Variants in CDC27 observed in about 807,000 individuals in gnomAD.
The protein encoded by CDC27 is cell division cycle 27.
Under a neutral mutation model 109.7 loss-of-function variants are expected in CDC27, and 27 were observed. The observed-to-expected ratio is 0.25, with a 90% CI of 0.18 to 0.34. CDC27 has a LOEUF of 0.34. CDC27 is among the 10% of genes least tolerant of loss of function. The probability of loss-of-function intolerance (pLI) is 1.00; values close to 1 mark genes in which losing one functional copy is unlikely to be tolerated. For synonymous variants in CDC27, 266 were observed against 333.9 expected (o/e 0.80, Z 2.22); for missense variants, 579 against 960.2 (o/e 0.60, Z 5.25).
chr17:47,137,315 C>T lies in CDC27; in HGVS notation c.1750G>A (p.Asp584Asn). 1 of 1,609,986 alleles carries T rather than the reference C, an allele frequency of 6.2e-7. No individual in the cohort carries two copies. The highest frequency in any genetic ancestry group is 1.1e-5 in the South Asian group (1 of 90,324). The change falls in exon 14 of 19, where the codon GAT becomes AAT. Residue 584 changes from aspartate (D) to asparagine (N), a missense_variant. By Grantham distance (23) the Asp-to-Asn change is conservative (BLOSUM62 1). Around this residue, in one of 9 missense-constraint regions of CDC27, gnomAD observed 227 missense variants for 363.6 expected, o/e 0.62. Transcript: ENST00000066544. ...CTCTGGAAGAATTTAATTGCAATAT[C>T]ATGTTCCCGTTGCAGACTGAAACAG... ...GNCFSLQREH[D>N]IAIKFFQRAI...
rs76179380 is a variant in CDC27, at chr17:47,123,844, G to T, written c.2235+42C>A. 769 of 1,333,400 alleles carry T rather than the reference G, an allele frequency of 5.8e-4. 6 individuals carry two copies. The African/African-American group carries it at 9.7e-3, about 17-fold the overall frequency. The allele number at this position is 1,333,400 out of a possible 1,614,324, so 82.6% of individuals were successfully genotyped here. On this transcript the variant is annotated intron_variant, in intron 17 of 18. Coordinates refer to ENST00000066544, the MANE Select transcript of CDC27 (RefSeq NM_001256.6). ...TTATTCTTATAAAATGTCATTATTT[G>T]CTATGAAAGTCACTGTTTGGGACCA...
chr17:47,168,769 AC>A (rs1320149308), intron 4 of CDC27, among the ~76,000 whole-genome samples: 1 of 152,066 alleles, frequency 6.6e-6, no homozygotes, highest in Admixed American at 6.6e-5. Flanking sequence ...GGGCCCCCAA[AC>A]TTAGTCAAAT....
rs72628347 is a variant in CDC27, at chr17:47,132,777, A to G, written c.1914-403T>C. On this transcript the variant is annotated intron_variant, in intron 14 of 18. Transcript: ENST00000066544. ...TATTATTATTATTATTATTATTATT[A>G]TTATATTTTAAAGATAGCACCTCAC... Among the ~76,000 whole-genome samples the G allele has an allele frequency of 1.4e-3, 188 of 132,766 alleles. 1 individual carries two copies. Among genetic ancestry groups the G allele is most frequent in the East Asian group, 7.1e-3 (32 of 4,518 alleles). 87.1% of individuals were successfully genotyped at this position (132,766 alleles called of 152,430 possible). A position where few individuals can be genotyped will look rare whatever the true frequency, so the allele number is the denominator to read the frequency against.
intron 9 of CDC27, among the ~76,000 whole-genome samples, chr17:47,150,272 A>G (rs1310155802): frequency 2.6e-5 from 4 of 152,230 alleles, no homozygotes; most frequent in African/African-American, 9.6e-5. Flanking sequence ...GTACCTCCCC[A>G]AAAGATATGT....
At chr17:47,163,431 T>C (rs2087095887) in intron 4 of CDC27, among the ~76,000 whole-genome samples, 1 of 152,212 alleles carries the variant, frequency 6.6e-6, no homozygotes, top group African/African-American at 2.4e-5. Flanking sequence ...CTGGGTGCTG[T>C]GGCTCATGCC....
In CDC27 at chr17:47,159,741, C is replaced by A. The variant is rs567380989; in HGVS notation, c.378-1438G>T. On this transcript the variant is annotated intron_variant, in intron 4 of 18. Coordinates refer to ENST00000066544, the MANE Select transcript of CDC27 (RefSeq NM_001256.6). The stretch of plus-strand genomic sequence containing the variant: ...TGGCTGGCACGGGTCTGCTTCTGCA[C>A]CGGCATAATCTTCAAAACCTTGTGC... 752 of 408,902 alleles carry A rather than the reference C, an allele frequency of 1.8e-3. 2 individuals are homozygous for A. Among genetic ancestry groups the A allele is most frequent in the Non-Finnish European group, 2.9e-3 (620 of 215,268 alleles). The allele number at this position is 408,902 out of a possible 1,614,324, so 25.3% of individuals were successfully genotyped here.
At chr17:47,179,712 G>A (rs369264197) in intron 2 of CDC27, among the ~76,000 whole-genome samples, 2 of 152,194 alleles carry the variant, frequency 1.3e-5, no homozygotes, top group South Asian at 2.1e-4. Flanking sequence ...TGGTTAAACC[G>A]AATGGTGAGG....
chr17:47,188,521 C>T (rs1295159322), intron 1 of CDC27, among the ~76,000 whole-genome samples: 1 of 152,018 alleles, frequency 6.6e-6, no homozygotes, highest in African/African-American at 2.4e-5. Context: ...CCCAAATGTG[C>T]CCTTTCCACC....
chr17:47,171,657 T>A (rs1237910869), intron 3 of CDC27, among the ~76,000 whole-genome samples: 3 of 151,772 alleles, frequency 2.0e-5, no homozygotes, highest in Non-Finnish European at 4.4e-5. Context: ...AAACGAAATA[T>A]TTGTGATCAT....
chr17:47,147,898 C>CAAA (rs893703763), intron 9 of CDC27, among the ~76,000 whole-genome samples: 1 of 45,648 alleles, frequency 2.2e-5, no homozygotes, highest in East Asian at 5.8e-4. Flanking sequence ...GACCCTGTCT[C>CAAA]AAAAAAAAAA....
chr17:47,167,134 C>A (rs531092795), intron 4 of CDC27, among the ~76,000 whole-genome samples: 2 of 152,342 alleles, frequency 1.3e-5, no homozygotes, highest in East Asian at 3.9e-4. Context: ...GGATTACAGG[C>A]GTGAGCCACT....
intron 14 of CDC27, among the ~76,000 whole-genome samples, chr17:47,133,479 G>A (rs959550689): frequency 3.4e-5 from 5 of 146,964 alleles, no homozygotes; most frequent in African/African-American, 1.3e-4. Flanking sequence ...CGCTCTTGTT[G>A]CCCAGGCTGT....
intron 2 of CDC27, among the ~76,000 whole-genome samples, chr17:47,180,135 AT>A (rs931930614): frequency 2.0e-5 from 3 of 152,182 alleles, no homozygotes; most frequent in Middle Eastern, 3.2e-3. Context: ...CTCAACAAAA[AT>A]TTTTAAAAAT....
In CDC27 at chr17:47,181,636, G is replaced by A; in HGVS notation, c.29C>T (p.Ala10Val). Residue 10 changes from alanine to valine, a missense_variant and splice_region_variant, in exon 2 of 19, where the codon GCT (alanine) becomes GTT (valine). Coordinates refer to ENST00000066544, the MANE Select transcript of CDC27 (RefSeq NM_001256.6). ...GTGGTTTAGTGCTTGCCATATAGCA[G>A]CCTGCAAATGGAGGAAAAAGAACAT... MTVLQEPVQ[A>V]AIWQALNHYA... 1 of 1,591,130 alleles carries A rather than the reference G, an allele frequency of 6.3e-7. No homozygotes were observed. The highest frequency in any genetic ancestry group is 8.6e-7 in the Non-Finnish European group (1 of 1,162,084).
In CDC27 at chr17:47,171,375, C is replaced by T. The variant is rs1467599335; in HGVS notation, c.251+542G>A. On this transcript the variant is annotated intron_variant, in intron 3 of 18. Coordinates refer to ENST00000066544, the MANE Select transcript of CDC27 (RefSeq NM_001256.6). Reference sequence around the variant, plus strand: ...TTTTACAAATATCTAACACCGTTTACACATGTGACCGTTTAGTCCCTTTTA... The same window carrying T: ...TTTTACAAATATCTAACACCGTTTATACATGTGACCGTTTAGTCCCTTTTA... Among the ~76,000 whole-genome samples the T allele has an allele frequency of 3.3e-5, 5 of 152,336 alleles. No homozygotes were observed. In the East Asian group the frequency reaches 9.6e-4, roughly 29 times the overall value.
chr17:47,133,226 C>T (rs1364480613), intron 14 of CDC27, among the ~76,000 whole-genome samples: 15 of 148,394 alleles, frequency 1.0e-4, no homozygotes, highest in Admixed American at 7.5e-4. Flanking sequence ...ACAACCTCCA[C>T]CCACAGGTTC....
In CDC27 at chr17:47,157,348, G is replaced by A. The variant is rs1235734714; in HGVS notation, c.512C>T (p.Thr171Ile). 2.5e-6 allele frequency: 4 copies of A among 1,612,142 alleles called. No homozygotes were observed. The South Asian group carries it at 4.4e-5, about 18-fold the overall frequency. The part of the protein sequence containing the change: ...KPDPDQTFKF[T>I]SLQNFSNCLP... ...ACAGTTGCTAAAGTTCTGTAAAGAT[G>A]TGAATTTAAATGTTTGGTCAGGATC... Residue 171 changes from threonine to isoleucine, a missense_variant, in exon 6 of 19, where the codon ACA (threonine) becomes ATA (isoleucine). Thr to Ile is a moderately conservative substitution (Grantham distance 89). Coordinates refer to ENST00000066544, the MANE Select transcript of CDC27 (RefSeq NM_001256.6).
intron 15 of CDC27, among the ~76,000 whole-genome samples, chr17:47,130,414 T>A (rs942394279): frequency 2.6e-5 from 4 of 152,018 alleles, no homozygotes; most frequent in African/African-American, 9.7e-5. Flanking sequence ...GATTTTACTG[T>A]TTTACATAAT....
In CDC27 at chr17:47,132,462, C is replaced by G. The variant is rs563294477; in HGVS notation, c.1914-88G>C. 1.6e-5 allele frequency: 9 copies of G among 557,030 alleles called. No homozygotes were observed. In the East Asian group the frequency reaches 2.9e-4, roughly 18 times the overall value. The allele number at this position is 557,030 out of a possible 1,614,324, so 34.5% of individuals were successfully genotyped here. On this transcript the variant is annotated intron_variant, in intron 14 of 18. Transcript: ENST00000066544. ...ATTAGTAAAAGAACAAGTATAGAAT[C>G]TGGCATTTTAATAATCCAGTGGAAT...
Sources: allele counts gnomAD v4.1 joint callset (sites outside exome capture counted in the v4.1 genomes callset), GRCh38; gene constraint gnomAD v4.1.1; regional missense constraint gnomAD v4.1.1; transcripts MANE v1.5; gene names NCBI Gene and HGNC (gene_info 2026-07-23, HGNC 2026-07-21).